The following LRGUK variants were observed in gnomAD, a reference collection of about 807,000 sequenced individuals.
LRGUK encodes the protein leucine rich repeats and guanylate kinase domain containing, also known as leucine-rich repeat and guanylate kinase domain-containing protein.
A neutral mutation model predicts 76.0 loss-of-function variants in LRGUK; 65 were observed. The observed-to-expected ratio is 0.85, with a 90% CI of 0.70 to 1.05. LRGUK has a LOEUF of 1.05. LRGUK is among the 50% of genes least tolerant of loss of function. The probability of loss-of-function intolerance (pLI) is 0.00; values close to 1 mark genes in which losing one functional copy is unlikely to be tolerated. For synonymous variants in LRGUK, 268 were observed against 265.6 expected (o/e 1.01, Z -0.09); for missense variants, 758 against 732.8 (o/e 1.03, Z -0.40).
At chr7:134,272,147 A>G in the LRGUK span, among the ~76,000 whole-genome samples, 1 of 152,154 alleles carries the variant, frequency 6.6e-6, no homozygotes, top group Non-Finnish European at 1.5e-5. Flanking sequence ...TATAGATTTT[A>G]GGTAGATAAA....
At chr7:134,205,520 A>G (rs1800967469) in intron 15 of LRGUK, among the ~76,000 whole-genome samples, 1 of 152,260 alleles carries the variant, frequency 6.6e-6, no homozygotes, top group Admixed American at 6.5e-5. Flanking sequence ...CACATTACTC[A>G]CATAAATGGG....
chr7:134,254,210 A>G (rs1050172556), intron 18 of LRGUK, among the ~76,000 whole-genome samples: 1 of 152,208 alleles, frequency 6.6e-6, no homozygotes, highest in South Asian at 2.1e-4. Flanking sequence ...GCAAACAGAA[A>G]GATACTGCTG....
chr7:134,223,389 G>A (rs758168451), intron 16 of LRGUK, among the ~76,000 whole-genome samples: 26 of 152,232 alleles, frequency 1.7e-4, no homozygotes, highest in Non-Finnish European at 3.5e-4. Context: ...CAGGGCAGAA[G>A]GCACGACCTG....
chr7:134,225,125 GAAAA>G lies in LRGUK; in HGVS notation c.1983+3228_1983+3231del, dbSNP rs769671717. Among the ~76,000 whole-genome samples, 375 of 60,884 alleles carry G rather than the reference GAAAA, an allele frequency of 6.2e-3. 3 individuals carry two copies. Among genetic ancestry groups the G allele is most frequent in the South Asian group, 0.025 (38 of 1,522 alleles). 39.9% of individuals were successfully genotyped at this position (60,884 alleles called of 152,430 possible). A position where few individuals can be genotyped will look rare whatever the true frequency, so the allele number is the denominator to read the frequency against. ...GGCTGGGGACAGGGGAACAGAACTG[GAAAA>G]AAAAAAAAAAAAAAAAAAAACCCAC... On this transcript the variant is annotated intron_variant, in intron 16 of 19. Coordinates refer to the LRGUK transcript ENST00000285928.
chr7:134,174,919 T>C (rs1301120687), intron 8 of LRGUK, among the ~76,000 whole-genome samples: 1 of 152,110 alleles, frequency 6.6e-6, no homozygotes, highest in Non-Finnish European at 1.5e-5. Flanking sequence ...TGCTGGTCAT[T>C]TGTGACTCAT....
intron 5 of LRGUK, among the ~76,000 whole-genome samples, chr7:134,154,349 G>A (rs768179568): frequency 3.9e-5 from 6 of 152,210 alleles, no homozygotes; most frequent in African/African-American, 7.2e-5. Flanking sequence ...GGAAGGGCAA[G>A]TAACATTTTG....
chr7:134,211,036 G>GC (rs1208789224), downstream of LRGUK, among the ~76,000 whole-genome samples: 3 of 152,238 alleles, frequency 2.0e-5, no homozygotes, highest in East Asian at 5.8e-4. Flanking sequence ...AGAACGACCA[G>GC]CTATGGCTGG....
chr7:134,142,237 T>C (rs6947769), intron 3 of LRGUK, among the ~76,000 whole-genome samples: 22,498 of 152,122 alleles, frequency 0.15, 2,093 homozygotes, highest in East Asian at 0.32. Flanking sequence ...TTGCCATTTT[T>C]AGGCAGAGAA....
downstream of LRGUK, among the ~76,000 whole-genome samples, chr7:134,214,980 G>C (rs78606627): frequency 0.039 from 5,937 of 152,150 alleles, 241 homozygotes; most frequent in East Asian, 0.15. Flanking sequence ...TATGTTGGGT[G>C]ATTTAGTTGG....
At chr7:134,133,940 T>TA (rs776295154) in intron 1 of LRGUK, among the ~76,000 whole-genome samples, 130 of 151,752 alleles carry the variant, frequency 8.6e-4, no homozygotes, top group Non-Finnish European at 1.7e-3. Flanking sequence ...CACATGCCTG[T>TA]AGACCCAGCT....
chr7:134,177,093 G>A (rs1406938901), intron 9 of LRGUK, 30 bp downstream of exon 9: 2 of 1,380,726 alleles, frequency 1.4e-6, no homozygotes, highest in South Asian at 1.2e-5. Flanking sequence ...CATTACCATT[G>A]TGTTATTGGG....
At chr7:134,266,436 A>G (rs1480107697), downstream of LRGUK, among the ~76,000 whole-genome samples, 2 of 152,262 alleles carry the variant, frequency 1.3e-5, no homozygotes. Context: ...AGAAAGCCAT[A>G]GCAAAGAACA....
intron 5 of LRGUK, 119 bp downstream of exon 5, chr7:134,148,438 C>T (rs376100562): frequency 6.4e-5 from 40 of 620,410 alleles, no homozygotes; most frequent in African/African-American, 2.4e-4. Context: ...TTAATAGAGA[C>T]GTGACTTATT....
chr7:134,142,363 C>T (rs937358023), intron 3 of LRGUK, among the ~76,000 whole-genome samples: 1 of 152,166 alleles, frequency 6.6e-6, no homozygotes, highest in Non-Finnish European at 1.5e-5. Flanking sequence ...AAAGGTAAAA[C>T]AATAGTTCAT....
chr7:134,265,383 G>T (rs1802837864), downstream of LRGUK, among the ~76,000 whole-genome samples: 1 of 152,124 alleles, frequency 6.6e-6, no homozygotes, highest in African/African-American at 2.4e-5. Context: ...ATGGGCTATG[G>T]ATCTCAGAGC....
At chr7:134,162,578 G>A (rs1396209256) in intron 6 of LRGUK, among the ~76,000 whole-genome samples, 1 of 152,168 alleles carries the variant, frequency 6.6e-6, no homozygotes, top group Non-Finnish European at 1.5e-5. Context: ...AGTGATCCCA[G>A]CACTTTGGGA....
Position 134,246,082 on chromosome 7 carries a change from A to T in LRGUK, c.1984-1474A>T, listed in dbSNP as rs985125379. On this transcript the variant is annotated intron_variant, in intron 16 of 19. Transcript: ENST00000285928. ...ACCAGAGAGTGTGTTCAGTGAGCCCACGTTAGCGCTCATGTGTCATGGTCT... is the reference window on the plus strand; with the variant it reads ...ACCAGAGAGTGTGTTCAGTGAGCCCTCGTTAGCGCTCATGTGTCATGGTCT... Among the ~76,000 whole-genome samples the T allele has an allele frequency of 3.9e-5, 6 of 152,220 alleles. No individual in the cohort carries two copies. In the South Asian group the frequency reaches 1.2e-3, roughly 31 times the overall value.
chr7:134,266,977 T>C (rs947590010), downstream of LRGUK, among the ~76,000 whole-genome samples: 1 of 152,164 alleles, frequency 6.6e-6, no homozygotes, highest in African/African-American at 2.4e-5. Flanking sequence ...AGTGGTATAT[T>C]TTGAAGTACT....
chr7:134,150,781 A>T (rs990759080), intron 5 of LRGUK, among the ~76,000 whole-genome samples: 5 of 152,212 alleles, frequency 3.3e-5, no homozygotes, highest in Non-Finnish European at 7.3e-5. Flanking sequence ...AAACTAAAGT[A>T]TCATGACTTT....
Sources: gnomAD v4.1 joint callset for allele counts (sites outside exome capture counted in the v4.1 genomes callset) on GRCh38, gnomAD v4.1.1 for gene constraint, MANE v1.5 for transcripts, NCBI Gene and HGNC (gene_info 2026-07-23, HGNC 2026-07-21) for gene names.